The following BTBD16 variants were observed in gnomAD, a reference collection of about 807,000 sequenced individuals.
BTBD16 encodes BTB domain containing 16, also known as BTB/POZ domain-containing protein 16.
BTBD16 carries 66 observed loss-of-function variants against 67.4 expected under a neutral mutation model. That is an observed-to-expected ratio of 0.98 (90% CI 0.80 to 1.20). The LOEUF (loss-of-function observed/expected upper bound fraction) is 1.20. BTBD16 is among the 50% of genes most tolerant of loss of function. The pLI, the probability that BTBD16 is intolerant of heterozygous loss-of-function variation, is 0.00. For synonymous variants in BTBD16, 242 were observed against 236.4 expected, an observed-to-expected ratio of 1.02 and a Z score of -0.22; for missense variants, 634 against 616.0, an observed-to-expected ratio of 1.03 and a Z score of -0.31.
At chr10:122,294,112 G>A (rs1172229432) in intron 7 of BTBD16, 9 of 985,140 alleles carry the variant, frequency 9.1e-6, no homozygotes, top group Non-Finnish European at 1.1e-5. Flanking sequence ...GATAATTGTG[G>A]TGGGGCTGGG....
At chr10:122,310,187 G>A (rs1045138009) in intron 10 of BTBD16, among the ~76,000 whole-genome samples, 2 of 152,212 alleles carry the variant, frequency 1.3e-5, no homozygotes, top group African/African-American at 4.8e-5. Flanking sequence ...ACACATTTCC[G>A]TTTCTATTGA....
At chr10:122,293,388 A>G (rs917617801) in intron 7 of BTBD16, among the ~76,000 whole-genome samples, 2 of 152,212 alleles carry the variant, frequency 1.3e-5, no homozygotes, top group Non-Finnish European at 2.9e-5. Flanking sequence ...GACTAGGTCC[A>G]GGCCTTTGAT....
chr10:122,292,737 C>T (rs1265295845), intron 7 of BTBD16, among the ~76,000 whole-genome samples: 1 of 152,178 alleles, frequency 6.6e-6, no homozygotes, highest in Non-Finnish European at 1.5e-5. Flanking sequence ...GATCCCTGCC[C>T]TCTAAAGTCT....
intron 15 of BTBD16, 144 bp from the exon 16 acceptor site, chr10:122,337,873 T>C (rs2096465730): frequency 3.2e-6 from 2 of 634,676 alleles, no homozygotes; most frequent in Admixed American, 3.1e-5. Flanking sequence ...TTATTTCAAA[T>C]AACCTCTGCA....
At chr10:122,283,357 A>G (rs190482102) in intron 3 of BTBD16, among the ~76,000 whole-genome samples, 84 of 152,330 alleles carry the variant, frequency 5.5e-4, no homozygotes, top group African/African-American at 2.0e-3. Context: ...TGGTGGTGCC[A>G]TTTCCTGAAA....
intron 1 of BTBD16, among the ~76,000 whole-genome samples, chr10:122,272,859 C>A (rs1195771580): frequency 6.6e-6 from 1 of 151,980 alleles, no homozygotes; most frequent in Non-Finnish European, 1.5e-5. Flanking sequence ...ACTACAGTAA[C>A]CCAGTAGAAA....
chr10:122,305,133 A>G (rs2096401338), intron 9 of BTBD16, among the ~76,000 whole-genome samples: 1 of 152,256 alleles, frequency 6.6e-6, no homozygotes, highest in African/African-American at 2.4e-5. Context: ...AACTAAGGTC[A>G]GTAATCAGCT....
intron 4 of BTBD16, among the ~76,000 whole-genome samples, chr10:122,285,401 T>C (rs1230380555): frequency 2.0e-5 from 3 of 152,338 alleles, no homozygotes; most frequent in South Asian, 2.1e-4. Flanking sequence ...TTCTACAGTT[T>C]GCAAAGAGCC....
intron 14 of BTBD16, among the ~76,000 whole-genome samples, chr10:122,335,489 A>C (rs2096462007): frequency 6.6e-6 from 1 of 152,188 alleles, no homozygotes; most frequent in Non-Finnish European, 1.5e-5. Context: ...AGGAGTGGAG[A>C]GTCCGCAGGT....
At chr10:122,323,100 C>A (rs1174061574) in intron 10 of BTBD16, among the ~76,000 whole-genome samples, 3 of 152,126 alleles carry the variant, frequency 2.0e-5, no homozygotes, top group African/African-American at 7.2e-5. Flanking sequence ...TGGTTTTAAC[C>A]TCTGAAATAT....
intron 1 of BTBD16, among the ~76,000 whole-genome samples, chr10:122,272,331 C>G (rs1321413939): frequency 1.3e-5 from 2 of 152,048 alleles, no homozygotes; most frequent in Admixed American, 1.3e-4. Context: ...TACCCAGACA[C>G]GTTTCTTTTT....
chr10:122,315,539 C>A (rs2096422391), intron 10 of BTBD16, among the ~76,000 whole-genome samples: 2 of 152,202 alleles, frequency 1.3e-5, no homozygotes, highest in South Asian at 2.1e-4. Flanking sequence ...CATTTCAAAG[C>A]AGTCCCTCTT....
intron 8 of BTBD16, among the ~76,000 whole-genome samples, 153 bp downstream of exon 8, chr10:122,297,990 G>GT (rs112980009): frequency 0.045 from 6,584 of 147,258 alleles, 174 homozygotes; most frequent in Middle Eastern, 0.077. Flanking sequence ...ACATTTGTGT[G>GT]TTTTTTTTTT....
Position 122,336,590 on chromosome 10 carries a change from G to A in BTBD16, c.1360G>A (p.Ala454Thr). ...AARLVKYEIR[A>T]EALVDGKWQE... ...ACGCCTGGTGAAGTATGAGATCAGA[G>A]CAGAGGCCCTGGTTGACGGCAAGTG... Residue 454 changes from alanine (A) to threonine (T), a missense_variant, in exon 15 of 16, where the codon GCA becomes ACA. Coordinates refer to ENST00000260723, the MANE Select transcript of BTBD16 (RefSeq NM_144587.5). The A allele has an allele frequency of 6.2e-7, 1 of 1,613,334 alleles. No homozygotes were observed. The highest frequency in any genetic ancestry group is 8.5e-7 in the Non-Finnish European group (1 of 1,179,838).
intron 11 of BTBD16, 136 bp from the exon 12 acceptor site, chr10:122,331,040 C>A: frequency 1.8e-6 from 2 of 1,135,252 alleles, no homozygotes; most frequent in East Asian, 2.9e-5. Flanking sequence ...CTTTGTCAAT[C>A]AAACCTTAAA....
In BTBD16 at chr10:122,321,155, G is replaced by A. The variant is rs147623786; in HGVS notation, c.912-8325G>A. Among the ~76,000 whole-genome samples the A allele has an allele frequency of 1.5e-3, 222 of 152,248 alleles. 3 individuals carry two copies. Among genetic ancestry groups the A allele is most frequent in the Admixed American group, 0.012 (189 of 15,284 alleles). ...TCACTTAGGATAATGGTCTCCATCT[G>A]CATTCATGTTGCTGCAAAGAACATA... On this transcript the variant is annotated intron_variant, in intron 10 of 15. Transcript: ENST00000260723.
In BTBD16 at chr10:122,286,049, A is replaced by G. The variant is rs543259607; in HGVS notation, c.242-56A>G. 211 of 1,524,818 alleles carry G rather than the reference A, an allele frequency of 1.4e-4. No homozygotes were observed. In the African/African-American group the frequency reaches 2.6e-3, roughly 19 times the overall value. The allele number at this position is 1,524,818 out of a possible 1,614,324, so 94.5% of individuals were successfully genotyped here. Reference sequence around the variant, plus strand: ...GAGCTGGGGGAGAGGAAGCTGATGCATCTTTGGGTGGGGACGTTACTGATG... The same window carrying G: ...GAGCTGGGGGAGAGGAAGCTGATGCGTCTTTGGGTGGGGACGTTACTGATG... On this transcript the variant is annotated intron_variant, in intron 4 of 15. Transcript: ENST00000260723.
intron 7 of BTBD16, 129 bp from the exon 8 acceptor site, chr10:122,297,639 C>A: frequency 1.0e-6 from 1 of 966,882 alleles, no homozygotes; most frequent in African/African-American, 1.6e-5. Context: ...TGTCCATACC[C>A]CTAAAGCGAG....
At chr10:122,282,389 C>A (rs1460837413) in intron 3 of BTBD16, among the ~76,000 whole-genome samples, 1 of 152,186 alleles carries the variant, frequency 6.6e-6, no homozygotes, top group Non-Finnish European at 1.5e-5. Flanking sequence ...TCATTGGCAG[C>A]CATCCTCCCC....
Sources: gnomAD v4.1 joint callset for allele counts (sites outside exome capture counted in the v4.1 genomes callset) on GRCh38, gnomAD v4.1.1 for gene constraint, MANE v1.5 for transcripts, NCBI Gene and HGNC (gene_info 2026-07-23, HGNC 2026-07-21) for gene names.